NPAS3: variants seen among roughly 807,000 people sequenced by gnomAD.
The protein encoded by NPAS3 is neuronal PAS domain protein 3.
In NPAS3, 14 loss-of-function variants were observed where a neutral mutation model predicts 73.1. The observed-to-expected ratio is 0.19, with a 90% confidence interval of 0.13 to 0.30. The LOEUF (loss-of-function observed/expected upper bound fraction) is 0.30, where lower values mean the gene tolerates loss of function less well. NPAS3 is among the 10% of genes least tolerant of loss of function. The pLI is 1.00. For synonymous variants in NPAS3, 620 were observed against 541.5 expected (o/e 1.14, Z -2.01); for missense variants, 1,096 against 1,250.0 (o/e 0.88, Z 1.86).
chr14:33,554,984 G>A (rs1044262746), intron 4 of NPAS3, among the ~76,000 whole-genome samples: 4 of 150,570 alleles, frequency 2.7e-5, no homozygotes, highest in African/African-American at 9.7e-5. Context: ...TTACACTAAT[G>A]TCAGGGGATA....
chr14:33,031,059 C>T (rs2039971426), intron 1 of NPAS3, among the ~76,000 whole-genome samples: 1 of 152,118 alleles, frequency 6.6e-6, no homozygotes, highest in Non-Finnish European at 1.5e-5. Context: ...AGCCCTCTCT[C>T]CAGATAGTCA....
intron 5 of NPAS3, among the ~76,000 whole-genome samples, chr14:33,666,737 G>A (rs2059460957): frequency 6.6e-6 from 1 of 152,106 alleles, no homozygotes; most frequent in African/African-American, 2.4e-5. Flanking sequence ...GAGTTTCTAT[G>A]TTTCTTTTAA....
intron 3 of NPAS3, among the ~76,000 whole-genome samples, chr14:33,261,603 G>A (rs2048979968): frequency 6.6e-6 from 1 of 152,084 alleles, no homozygotes; most frequent in Admixed American, 6.6e-5. Context: ...ATATTAAGGG[G>A]TAGTATTTTG....
chr14:33,254,108 G>T (rs750023769), intron 3 of NPAS3, among the ~76,000 whole-genome samples: 1 of 152,002 alleles, frequency 6.6e-6, no homozygotes, highest in African/African-American at 2.4e-5. Context: ...TCTGACTGAT[G>T]TTGAAGACTG....
intron 4 of NPAS3, among the ~76,000 whole-genome samples, chr14:33,550,710 A>G (rs1260011063): frequency 6.6e-6 from 1 of 152,250 alleles, no homozygotes; most frequent in Admixed American, 6.5e-5. Flanking sequence ...CAGATCATTC[A>G]GGACCAGGTC....
chr14:33,770,090 A>T (rs7141728), intron 7 of NPAS3, among the ~76,000 whole-genome samples: 1 of 151,882 alleles, frequency 6.6e-6, no homozygotes, highest in South Asian at 2.1e-4. Flanking sequence ...ATGTCTATGA[A>T]TATTGATGCC....
At chr14:33,088,477 G>A (rs1464137638) in intron 2 of NPAS3, among the ~76,000 whole-genome samples, 1 of 152,230 alleles carries the variant, frequency 6.6e-6, no homozygotes, top group Non-Finnish European at 1.5e-5. Context: ...CAAGGCAGGA[G>A]TGAGGCTGGG....
chr14:32,977,010 C>T (rs1323010241), intron 1 of NPAS3, among the ~76,000 whole-genome samples: 1 of 151,796 alleles, frequency 6.6e-6, no homozygotes, highest in African/African-American at 2.4e-5. Flanking sequence ...TCTGTTCACA[C>T]AGGACCCTTT....
intron 3 of NPAS3, among the ~76,000 whole-genome samples, chr14:33,347,447 G>C (rs1413579026): frequency 6.6e-6 from 1 of 152,232 alleles, no homozygotes; most frequent in Non-Finnish European, 1.5e-5. Flanking sequence ...ATGGCTGCTA[G>C]AACAGTGTGG....
chr14:33,358,192 C>T (rs760064480), intron 3 of NPAS3, among the ~76,000 whole-genome samples: 1 of 152,098 alleles, frequency 6.6e-6, no homozygotes, highest in African/African-American at 2.4e-5. Context: ...CCAGATGCTG[C>T]GATGCAGGTG....
chr14:33,739,537 G>A (rs1431481016), intron 7 of NPAS3, among the ~76,000 whole-genome samples: 1 of 152,134 alleles, frequency 6.6e-6, no homozygotes, highest in Admixed American at 6.5e-5. Context: ...AAACATAGGT[G>A]TCTCTTAAAT....
chr14:33,135,268 T>A (rs1279529281), intron 2 of NPAS3, among the ~76,000 whole-genome samples: 1 of 152,128 alleles, frequency 6.6e-6, no homozygotes, highest in Admixed American at 6.6e-5. Context: ...CAAACCAATG[T>A]TGACCTTTCA....
At chr14:32,992,533 TCCTAGAGCCTGGCATAA>T (rs1198889522) in intron 1 of NPAS3, among the ~76,000 whole-genome samples, 1 of 152,116 alleles carries the variant, frequency 6.6e-6, no homozygotes, top group Non-Finnish European at 1.5e-5. Flanking sequence ...ACCACACTTG[TCCTAGAGCCTGGCATAA>T]GGCTGAATGA....
At chr14:33,481,757 G>A (rs1181182926) in intron 4 of NPAS3, among the ~76,000 whole-genome samples, 2 of 151,948 alleles carry the variant, frequency 1.3e-5, no homozygotes, top group Non-Finnish European at 2.9e-5. Flanking sequence ...ATTTCACCAG[G>A]ACGTGTGTTT....
intron 6 of NPAS3, among the ~76,000 whole-genome samples, chr14:33,719,245 C>A (rs1317905729): frequency 6.6e-6 from 1 of 152,176 alleles, no homozygotes; most frequent in Non-Finnish European, 1.5e-5. Flanking sequence ...TCCAGTGGTA[C>A]CCCTGTTGTT....
At chr14:33,553,940 T>C (rs912551369) in intron 4 of NPAS3, among the ~76,000 whole-genome samples, 2 of 152,186 alleles carry the variant, frequency 1.3e-5, no homozygotes, top group Non-Finnish European at 2.9e-5. Context: ...ACTTCCTGAG[T>C]GCATTCGGAG....
chr14:33,657,497 G>T (rs1037264460), intron 5 of NPAS3, among the ~76,000 whole-genome samples: 1 of 152,188 alleles, frequency 6.6e-6, no homozygotes, highest in Non-Finnish European at 1.5e-5. Flanking sequence ...GTTCCTGGAA[G>T]AAGTCATTTC....
intron 3 of NPAS3, among the ~76,000 whole-genome samples, chr14:33,247,357 T>C (rs1214430041): frequency 6.6e-6 from 1 of 152,210 alleles, no homozygotes; most frequent in Non-Finnish European, 1.5e-5. Flanking sequence ...ATAGACGGTA[T>C]TGCCTTTTGT....
intron 1 of NPAS3, among the ~76,000 whole-genome samples, chr14:32,950,412 A>G (rs946638742): frequency 6.6e-6 from 1 of 152,052 alleles, no homozygotes; most frequent in Non-Finnish European, 1.5e-5. Context: ...ATAAAGGCAT[A>G]TTTTTCCATA....
Sources: allele counts gnomAD v4.1 joint callset (sites outside exome capture counted in the v4.1 genomes callset), GRCh38; gene constraint gnomAD v4.1.1; transcripts MANE v1.5; gene names NCBI Gene and HGNC (gene_info 2026-07-23, HGNC 2026-07-21).